The following TMEM63C variants were observed in gnomAD, a reference collection of about 807,000 sequenced individuals.
TMEM63C encodes the protein transmembrane protein 63C.
TMEM63C carries 32 observed loss-of-function variants against 99.2 expected under a neutral mutation model. That is an observed-to-expected ratio of 0.32 (90% CI 0.24 to 0.43). TMEM63C has a LOEUF of 0.43. Among genes scored for constraint, TMEM63C ranks in the 20% least tolerant of loss-of-function variants. The probability of loss-of-function intolerance (pLI) is 1.00; values close to 1 mark genes in which losing one functional copy is unlikely to be tolerated. For synonymous variants in TMEM63C, 376 were observed against 397.9 expected, an observed-to-expected ratio of 0.94 and a Z score of 0.66; for missense variants, 826 against 1,053.0, an observed-to-expected ratio of 0.78 and a Z score of 2.98.
At chr14:77,202,583 G>T (rs1033398429) in intron 1 of TMEM63C, among the ~76,000 whole-genome samples, 1 of 152,116 alleles carries the variant, frequency 6.6e-6, no homozygotes, top group Admixed American at 6.5e-5. Flanking sequence ...ACTTGCAGCT[G>T]TCTCATTCCA....
chr14:77,244,192 C>T (rs1889230900), intron 15 of TMEM63C, among the ~76,000 whole-genome samples, 157 bp from the exon 16 acceptor site: 1 of 152,202 alleles, frequency 6.6e-6, no homozygotes, highest in Non-Finnish European at 1.5e-5. Flanking sequence ...TGGGTGTCAG[C>T]CTCTGCCTGG....
At chr14:77,239,171 C>G (rs1262716812) in intron 10 of TMEM63C, among the ~76,000 whole-genome samples, 2 of 152,242 alleles carry the variant, frequency 1.3e-5, no homozygotes, top group Non-Finnish European at 2.9e-5. Context: ...CTGGGTTCCC[C>G]AGTGGGTGGA....
chr14:77,256,708 C>T lies in TMEM63C; in HGVS notation c.2403C>T (p.Gly801=). 1 of 1,613,784 alleles carries T rather than the reference C, an allele frequency of 6.2e-7. No individual in the cohort carries two copies. Among genetic ancestry groups the T allele is most frequent in the Non-Finnish European group, 8.5e-7 (1 of 1,179,790 alleles). ...AQFQEGLELE[G]QNQYH ...TCCAGGAAGGGCTGGAACTGGAGGGCCAGAACCAGTACCACTGACCGGGAC... is the reference window on the plus strand; with the variant it reads ...TCCAGGAAGGGCTGGAACTGGAGGGTCAGAACCAGTACCACTGACCGGGAC... The change falls in exon 24 of 24, where the codon GGC becomes GGT. Residue 801 remains glycine (G), a synonymous_variant. Transcript: ENST00000298351.
rs752675016 is a variant in TMEM63C, at chr14:77,249,367, C to T, written c.1947C>T (p.Asn649=). The T allele has an allele frequency of 2.0e-5, 33 of 1,613,908 alleles. No homozygotes were observed. The highest frequency in any genetic ancestry group is 2.1e-5 in the Non-Finnish European group (25 of 1,179,904). The change falls in exon 21 of 24, where the codon AAC becomes AAT. Residue 649 remains asparagine (N), a synonymous_variant. Coordinates refer to ENST00000298351, the MANE Select transcript of TMEM63C (RefSeq NM_020431.4). ...ACTCCTTTGCACCCACCAAACTGAA[C>T]GAGCAGATCCACATGGCTGCCGTCT... is the stretch of plus-strand genomic sequence containing the variant. ...MYYSFAPTKL[N]EQIHMAAVSQ... is the part of the protein sequence containing the mutation.
At chr14:77,223,961 G>A (rs888058) in intron 5 of TMEM63C, among the ~76,000 whole-genome samples, 47,138 of 151,798 alleles carry the variant, frequency 0.31, 8,364 homozygotes, top group East Asian at 0.57. Flanking sequence ...GACCTCTCTC[G>A]GCCCAGCTCT....
At chr14:77,247,582 T>C (rs554182787) in intron 18 of TMEM63C, among the ~76,000 whole-genome samples, 9 of 152,302 alleles carry the variant, frequency 5.9e-5, no homozygotes, top group South Asian at 4.1e-4. Flanking sequence ...ATATTACTTA[T>C]TGGAATAAGA....
intron 1 of TMEM63C, among the ~76,000 whole-genome samples, chr14:77,189,891 C>T (rs1256094225): frequency 2.6e-5 from 4 of 152,202 alleles, no homozygotes; most frequent in African/African-American, 9.7e-5. Context: ...GACTTTGTAT[C>T]AAGCTGTCCC....
intron 23 of TMEM63C, among the ~76,000 whole-genome samples, chr14:77,253,680 C>T (rs914315948): frequency 5.3e-5 from 8 of 152,222 alleles, no homozygotes; most frequent in Admixed American, 1.3e-4. Flanking sequence ...GTCATGTAGA[C>T]GCAGGGGGGC....
chr14:77,217,891 A>G (rs1309751244), intron 2 of TMEM63C, among the ~76,000 whole-genome samples: 2 of 152,194 alleles, frequency 1.3e-5, no homozygotes, highest in Non-Finnish European at 2.9e-5. Context: ...AAATTAAAAC[A>G]ATTGAACTCA....
chr14:77,246,521 T>G, intron 17 of TMEM63C, 88 bp from the exon 18 acceptor site: 6 of 1,139,830 alleles, frequency 5.3e-6, no homozygotes, highest in Non-Finnish European at 7.8e-6. Context: ...GGTCTTTCTT[T>G]GGAGATTGGG....
At chr14:77,212,397 G>GA (rs1888509018) in intron 1 of TMEM63C, 1 of 152,256 alleles carries the variant, frequency 6.6e-6, no homozygotes, top group Non-Finnish European at 1.5e-5. Flanking sequence ...CCTATACTGT[G>GA]AAAGTGATGT....
intron 6 of TMEM63C, among the ~76,000 whole-genome samples, chr14:77,227,456 G>A (rs1467337350): frequency 6.6e-6 from 1 of 152,198 alleles, no homozygotes; most frequent in Non-Finnish European, 1.5e-5. Context: ...GATGTAGTCA[G>A]GGCAAGTATG....
At chr14:77,214,191 G>T (rs987024578) in intron 2 of TMEM63C, among the ~76,000 whole-genome samples, 32 of 152,198 alleles carry the variant, frequency 2.1e-4, no homozygotes, top group African/African-American at 7.7e-4. Context: ...TCCAGGCATT[G>T]TTCTACAAGA....
In TMEM63C at chr14:77,195,752, G is replaced by A. The variant is rs1010668962; in HGVS notation, c.-77+13858G>A. Reference sequence around the variant, plus strand: ...AGCTGGTGCCTGGACTCCCAGTGCCGTGCTGTCTCCATGGCCCGCTCCCCA... The same window carrying A: ...AGCTGGTGCCTGGACTCCCAGTGCCATGCTGTCTCCATGGCCCGCTCCCCA... On this transcript the variant is annotated intron_variant, in intron 1 of 23. Coordinates refer to ENST00000298351, the MANE Select transcript of TMEM63C (RefSeq NM_020431.4). 8.5e-5 allele frequency among the ~76,000 whole-genome samples: 13 copies of A among 152,338 alleles called. 1 individual carries two copies. Among genetic ancestry groups the A allele is most frequent in the Middle Eastern group, 3.4e-3 (1 of 294 alleles).
chr14:77,191,838 C>A (rs771765876), intron 1 of TMEM63C, among the ~76,000 whole-genome samples: 2 of 152,240 alleles, frequency 1.3e-5, no homozygotes, highest in Non-Finnish European at 2.9e-5. Flanking sequence ...GCCACCAAGC[C>A]TGGCCTAGTT....
intron 1 of TMEM63C, among the ~76,000 whole-genome samples, chr14:77,189,309 GGT>G (rs1044543682): frequency 6.6e-6 from 1 of 151,594 alleles, no homozygotes; most frequent in Admixed American, 6.6e-5. Flanking sequence ...GTAGAGATGG[GGT>G]TTTGCTATGT....
At chr14:77,220,537 T>A (rs1888672541) in intron 5 of TMEM63C, among the ~76,000 whole-genome samples, 1 of 152,080 alleles carries the variant, frequency 6.6e-6, no homozygotes, top group African/African-American at 2.4e-5. Flanking sequence ...TGCTGTTTCC[T>A]CCTCTTCCCT....
chr14:77,218,260 T>G, intron 2 of TMEM63C, among the ~76,000 whole-genome samples: 2 of 148,302 alleles, frequency 1.3e-5, no homozygotes. Flanking sequence ...GTTTCTTGAG[T>G]CACTGCACAT....
chr14:77,212,910 C>T (rs1888515683), intron 1 of TMEM63C, among the ~76,000 whole-genome samples: 1 of 152,224 alleles, frequency 6.6e-6, no homozygotes, highest in Non-Finnish European at 1.5e-5. Flanking sequence ...GCAGAAGGGC[C>T]ACCTGGTCCA....
Sources: gnomAD v4.1 joint callset for allele counts (sites outside exome capture counted in the v4.1 genomes callset) on GRCh38, gnomAD v4.1.1 for gene constraint, MANE v1.5 for transcripts, NCBI Gene and HGNC (gene_info 2026-07-23, HGNC 2026-07-21) for gene names.